Variants in KHDRBS2 observed in about 807,000 individuals in gnomAD.
KHDRBS2 encodes the protein KH domain-containing, RNA-binding, signal transduction-associated protein 2.
In KHDRBS2, 26 loss-of-function variants were observed where a neutral mutation model predicts 44.3. The ratio of observed to expected loss-of-function variants is 0.59; its 90% CI spans 0.43 to 0.81. The LOEUF (loss-of-function observed/expected upper bound fraction) is 0.81. Ranked by LOEUF, KHDRBS2 falls within the 40% of genes least tolerant of loss-of-function variation. The pLI, the probability that KHDRBS2 is intolerant of heterozygous loss-of-function variation, is 0.00. For missense variants in KHDRBS2, 476 were observed against 433.1 expected (o/e 1.10, Z -0.88); for synonymous variants, 194 against 151.1 (o/e 1.28, Z -2.08).
the KHDRBS2 span, among the ~76,000 whole-genome samples, chr6:61,648,673 G>A: frequency 0.19 from 28,165 of 151,964 alleles, 3,029 homozygotes; most frequent in South Asian, 0.32. Flanking sequence ...AAAACAAGGC[G>A]GTCATTCTAA....
chr6:61,820,100 C>A (rs1447520351), intron 6 of KHDRBS2, among the ~76,000 whole-genome samples: 3 of 152,014 alleles, frequency 2.0e-5, no homozygotes, highest in Admixed American at 1.3e-4. Context: ...TCAATATGCA[C>A]AAAGCCACTT....
the KHDRBS2 span, among the ~76,000 whole-genome samples, chr6:61,545,597 A>G: frequency 6.6e-6 from 1 of 151,854 alleles, no homozygotes; most frequent in African/African-American, 2.4e-5. Flanking sequence ...CAAAAACAGT[A>G]TATGTAGCAT....
At chr6:62,045,085 A>G (rs182787564) in intron 3 of KHDRBS2, among the ~76,000 whole-genome samples, 1 of 152,130 alleles carries the variant, frequency 6.6e-6, no homozygotes, top group African/African-American at 2.4e-5. Context: ...CATGAAGGAA[A>G]AAAAGAAATC....
chr6:61,783,029 C>A (rs145283781), intron 6 of KHDRBS2, among the ~76,000 whole-genome samples: 5 of 151,764 alleles, frequency 3.3e-5, no homozygotes, highest in African/African-American at 9.7e-5. Flanking sequence ...ATGTATACTG[C>A]GCACCATGAG....
intron 6 of KHDRBS2, among the ~76,000 whole-genome samples, chr6:61,815,143 T>G (rs989594755): frequency 3.3e-5 from 5 of 151,938 alleles, no homozygotes; most frequent in African/African-American, 9.7e-5. Context: ...AATCCATGGA[T>G]GCAAAACCCA....
At chr6:62,074,373 A>T (rs1003367462) in intron 2 of KHDRBS2, among the ~76,000 whole-genome samples, 1 of 151,292 alleles carries the variant, frequency 6.6e-6, no homozygotes, top group Non-Finnish European at 1.5e-5. Context: ...CCCTTTAAAA[A>T]CTCTATGCAA....
At chr6:61,784,872 G>A (rs1783539667) in intron 6 of KHDRBS2, among the ~76,000 whole-genome samples, 1 of 151,978 alleles carries the variant, frequency 6.6e-6, no homozygotes, top group Non-Finnish European at 1.5e-5. Flanking sequence ...GCATGCACTG[G>A]GCACAATGGC....
chr6:62,082,258 GA>G (rs1362380753), intron 2 of KHDRBS2, among the ~76,000 whole-genome samples: 3 of 151,606 alleles, frequency 2.0e-5, no homozygotes, highest in African/African-American at 7.3e-5. Flanking sequence ...CTTCTGACAA[GA>G]AAAAGGGCCA....
intron 2 of KHDRBS2, among the ~76,000 whole-genome samples, chr6:62,053,639 T>C (rs1460413133): frequency 6.6e-6 from 1 of 151,964 alleles, no homozygotes; most frequent in Admixed American, 6.6e-5. Flanking sequence ...AATAGAAGGC[T>C]TCTATTCAAA....
chr6:62,010,987 A>T (rs1038626337), intron 3 of KHDRBS2, among the ~76,000 whole-genome samples: 2 of 152,154 alleles, frequency 1.3e-5, no homozygotes, highest in African/African-American at 2.4e-5. Context: ...TTTTACTTTA[A>T]AGTGTTTTGT....
chr6:62,127,766 T>C (rs750129261), intron 2 of KHDRBS2, among the ~76,000 whole-genome samples: 9 of 152,170 alleles, frequency 5.9e-5, no homozygotes, highest in Non-Finnish European at 1.3e-4. Context: ...GTCTTTCAAG[T>C]CTAACATTTA....
chr6:61,882,572 A>AT (rs1230093834), intron 6 of KHDRBS2, among the ~76,000 whole-genome samples: 2 of 152,006 alleles, frequency 1.3e-5, no homozygotes, highest in Non-Finnish European at 2.9e-5. Context: ...GAAAAGTGTG[A>AT]TTTTCCATCG....
intron 7 of KHDRBS2, among the ~76,000 whole-genome samples, chr6:61,712,966 T>A (rs1294687087): frequency 1.3e-5 from 2 of 151,676 alleles, no homozygotes; most frequent in Non-Finnish European, 2.9e-5. Context: ...ATAGGGTGTC[T>A]GAAAGAATTA....
chr6:61,579,616 G>A, the KHDRBS2 span, among the ~76,000 whole-genome samples: 2 of 152,170 alleles, frequency 1.3e-5, no homozygotes, highest in African/African-American at 4.8e-5. Context: ...CGCAAAGTTG[G>A]CAGGGTAAAA....
At chr6:62,102,808 C>G (rs913848600) in intron 2 of KHDRBS2, among the ~76,000 whole-genome samples, 5 of 152,172 alleles carry the variant, frequency 3.3e-5, no homozygotes, top group African/African-American at 4.8e-5. Context: ...CTGCTTGCAG[C>G]TCAGCCACCC....
intron 1 of KHDRBS2, among the ~76,000 whole-genome samples, chr6:62,269,969 A>G (rs1839807528): frequency 6.6e-6 from 1 of 152,274 alleles, no homozygotes; most frequent in South Asian, 2.1e-4. Flanking sequence ...AACCTAAGAA[A>G]AAGGAAGAGT....
intron 6 of KHDRBS2, among the ~76,000 whole-genome samples, chr6:61,736,947 T>C (rs1480342817): frequency 1.3e-5 from 2 of 152,252 alleles, no homozygotes; most frequent in East Asian, 3.9e-4. Context: ...GACTATATCA[T>C]AGTTTATCAC....
At chr6:61,816,784 G>A (rs1276652032) in intron 6 of KHDRBS2, 1 of 368,656 alleles carries the variant, frequency 2.7e-6, no homozygotes, top group African/African-American at 2.1e-5. Flanking sequence ...TTCATTCAAG[G>A]TGACATTTAG....
At chr6:61,814,264 C>A (rs1788556422) in intron 6 of KHDRBS2, among the ~76,000 whole-genome samples, 1 of 152,076 alleles carries the variant, frequency 6.6e-6, no homozygotes, top group Non-Finnish European at 1.5e-5. Flanking sequence ...TTCATTATGA[C>A]TGAAATTAAA....
Sources: allele counts gnomAD v4.1 joint callset (sites outside exome capture counted in the v4.1 genomes callset), GRCh38; gene constraint gnomAD v4.1.1; transcripts MANE v1.5; gene names NCBI Gene and HGNC (gene_info 2026-07-23, HGNC 2026-07-21).